The following TMTC4 variants were observed in gnomAD, a reference collection of about 807,000 sequenced individuals.
TMTC4 encodes transmembrane O-mannosyltransferase targeting cadherins 4.
Under a neutral mutation model 86.0 loss-of-function variants are expected in TMTC4, and 65 were observed. The observed-to-expected ratio is 0.76, with a 90% CI of 0.62 to 0.93. TMTC4 has a LOEUF of 0.93. Among genes scored for constraint, TMTC4 ranks in the 40% least tolerant of loss-of-function variants. TMTC4 has a pLI of 0.00. For synonymous variants in TMTC4, 379 were observed against 382.5 expected (o/e 0.99, Z 0.11); for missense variants, 866 against 948.1 (o/e 0.91, Z 1.14).
chr13:100,608,540 ATCCAAGTCACGG>A (rs1199628540), intron 17 of TMTC4, among the ~76,000 whole-genome samples: 1 of 152,156 alleles, frequency 6.6e-6, no homozygotes, highest in African/African-American at 2.4e-5. Context: ...GCCTGGCTCT[ATCCAAGTCACGG>A]GGGCAGCCCC....
chr13:100,628,562 A>C lies in TMTC4; in HGVS notation c.1507-2412T>G, dbSNP rs1411493572. ...TCTGTTTTTAATTTTTTGAGGTACT[A>C]ACATGGATAGTTTTATGTTATAGGA... On this transcript the variant is annotated intron_variant, in intron 12 of 18. Coordinates refer to ENST00000342624, the MANE Select transcript of TMTC4 (RefSeq NM_032813.5). Among the ~76,000 whole-genome samples, 3 of 152,144 alleles carry C rather than the reference A, an allele frequency of 2.0e-5. No homozygotes were observed. The East Asian group carries it at 5.8e-4, about 29-fold the overall frequency.
intron 1 of TMTC4, among the ~76,000 whole-genome samples, chr13:100,673,747 GAA>G (rs898126270): frequency 1.3e-5 from 2 of 152,224 alleles, no homozygotes; most frequent in African/African-American, 4.8e-5. Flanking sequence ...CACTGTCCCA[GAA>G]AGTTTCCAGT....
intron 1 of TMTC4, among the ~76,000 whole-genome samples, chr13:100,671,517 G>C (rs1887101768): frequency 6.6e-6 from 1 of 152,084 alleles, no homozygotes; most frequent in African/African-American, 2.4e-5. Flanking sequence ...GCAGACTGTG[G>C]ACCACACCAT....
In TMTC4 at chr13:100,627,809, G is replaced by A. The variant is rs1255196340; in HGVS notation, c.1507-1659C>T. ...GGAGGGTGGCAGAGGTCACCACCAT[G>A]TTTATGTTCATATGAAACAAATCCC... is the stretch of plus-strand genomic sequence containing the variant. On this transcript the variant is annotated intron_variant, in intron 12 of 18. Transcript: ENST00000342624. Among the ~76,000 whole-genome samples, 4 of 152,150 alleles carry A rather than the reference G, an allele frequency of 2.6e-5. No individual in the cohort carries two copies. In the East Asian group the frequency reaches 7.7e-4, roughly 29 times the overall value.
At chr13:100,619,179 C>G (rs1435368989) in intron 15 of TMTC4, among the ~76,000 whole-genome samples, 1 of 142,654 alleles carries the variant, frequency 7.0e-6, no homozygotes, top group African/African-American at 2.6e-5. Context: ...CTGACCCCCC[C>G]ACCTCCCTCC....
intron 5 of TMTC4, among the ~76,000 whole-genome samples, chr13:100,657,729 T>G (rs1419950090): frequency 6.6e-6 from 1 of 152,236 alleles, no homozygotes; most frequent in Admixed American, 6.5e-5. Context: ...AGGACTCTTC[T>G]ATAAATCAAG....
At chr13:100,622,317 G>T (rs1879633772) in intron 15 of TMTC4, among the ~76,000 whole-genome samples, 2 of 152,114 alleles carry the variant, frequency 1.3e-5, no homozygotes, top group Admixed American at 1.3e-4. Context: ...ACATAGAGGT[G>T]GTATCTTCCT....
chr13:100,674,442 G>C, intron 1 of TMTC4: 1 of 902,426 alleles, frequency 1.1e-6, no homozygotes, highest in Non-Finnish European at 1.3e-6. Flanking sequence ...CAGGGGCTGG[G>C]GGCGGCGACC....
chr13:100,623,817 C>G, intron 15 of TMTC4: 1 of 431,854 alleles, frequency 2.3e-6, no homozygotes, highest in South Asian at 1.8e-5. Flanking sequence ...ATTGCTGGGT[C>G]TTGCCTTTGT....
At chr13:100,610,703 C>A (rs537301936) in intron 17 of TMTC4, among the ~76,000 whole-genome samples, 55 of 152,218 alleles carry the variant, frequency 3.6e-4, no homozygotes, top group Non-Finnish European at 6.6e-4. Flanking sequence ...GCCAAACGAA[C>A]TCTGGGTTTT....
Position 100,663,020 on chromosome 13 carries a change from T to G in TMTC4, c.496A>C (p.Arg166=), listed in dbSNP as rs200996797. Residue 166 remains arginine (R), a synonymous_variant, in exon 5 of 19, where the codon AGG becomes CGG. Coordinates refer to ENST00000342624, the MANE Select transcript of TMTC4 (RefSeq NM_032813.5). ...SKGRRLHLAP[R]ASLLAALLFA... ...AGCAGCGCGGCCAGCAGGGACGCCC[T>G]GGGGGCGAGGTGCAGCCTCCGGCCT... 2.2e-4 allele frequency: 357 copies of G among 1,614,128 alleles called. 3 individuals are homozygous for G. In the African/African-American group the frequency reaches 4.3e-3, roughly 20 times the overall value.
rs1460199049 is a variant in TMTC4, at chr13:100,634,931, G to T, written c.1380C>A (p.Leu460=). The T allele has an allele frequency of 6.8e-6, 11 of 1,613,810 alleles. No homozygotes were observed. Among genetic ancestry groups the T allele is most frequent in the African/African-American group, 1.3e-5 (1 of 74,920 alleles). ...ALSKHTKKKK[L]IAAVVLGILF... ...AGATTCCCAGCACGACAGCGGCAAT[G>T]AGTTTCTTAAGAACAGAAAGACATG... The change falls in exon 12 of 19, where the codon CTC becomes CTA. Residue 460 remains leucine, a synonymous_variant. Coordinates refer to ENST00000342624, the MANE Select transcript of TMTC4 (RefSeq NM_032813.5).
intron 2 of TMTC4, among the ~76,000 whole-genome samples, chr13:100,669,698 T>C (rs1397942839): frequency 1.3e-5 from 2 of 152,052 alleles, no homozygotes; most frequent in African/African-American, 2.4e-5. Flanking sequence ...TAACGCCCAG[T>C]GGTCAGCGGT....
intron 17 of TMTC4, 63 bp from the exon 18 acceptor site, chr13:100,606,490 G>T: frequency 1.5e-6 from 2 of 1,374,110 alleles, no homozygotes; most frequent in Non-Finnish European, 1.0e-6. Context: ...GCAGTTCCCA[G>T]TTTTATCACC....
chr13:100,647,352 G>A (rs983885107), intron 6 of TMTC4, among the ~76,000 whole-genome samples: 1 of 151,306 alleles, frequency 6.6e-6, no homozygotes, highest in African/African-American at 2.4e-5. Context: ...TCCATCCATT[G>A]TTTTCAAGTT....
chr13:100,632,053 A>ACACACACACTCT (rs1296569630), intron 12 of TMTC4, among the ~76,000 whole-genome samples: 129 of 43,084 alleles, frequency 3.0e-3, no homozygotes, highest in Non-Finnish European at 4.3e-3. Flanking sequence ...ACACACACAC[A>ACACACACACTCT]CTCTCTCTCT....
At chr13:100,674,980 T>C (rs1025238017), upstream of TMTC4, 1 of 985,554 alleles carries the variant, frequency 1.0e-6, no homozygotes, top group Non-Finnish European at 1.2e-6. Context: ...CACAGCCAAG[T>C]CCCTCCTCAG....
At chr13:100,673,289 G>C in intron 1 of TMTC4, 1 of 985,310 alleles carries the variant, frequency 1.0e-6, no homozygotes, top group Non-Finnish European at 1.2e-6. Context: ...CTGGACTGCG[G>C]TAAACAGAAT....
Position 100,637,716 on chromosome 13 carries a change from G to A in TMTC4, c.835-14C>T, listed in dbSNP as rs745796597. On this transcript the variant is annotated splice_polypyrimidine_tract_variant and intron_variant, in intron 8 of 18. Transcript: ENST00000342624. ...CATGCCGAGATTCTGCAAGGACATC[G>A]CAAAGCCCCAGAGGTGGCTGATTTT... 7 of 1,611,966 alleles carry A rather than the reference G, an allele frequency of 4.3e-6. No homozygotes were observed. In the South Asian group the frequency reaches 5.5e-5, roughly 13 times the overall value.
Sources: gnomAD v4.1 joint callset for allele counts (sites outside exome capture counted in the v4.1 genomes callset) on GRCh38, gnomAD v4.1.1 for gene constraint, MANE v1.5 for transcripts, NCBI Gene and HGNC (gene_info 2026-07-23, HGNC 2026-07-21) for gene names.